The following SH3KBP1 variants were observed in gnomAD, a reference collection of about 807,000 sequenced individuals.
SH3KBP1 encodes the protein SH3 domain containing kinase binding protein 1.
SH3KBP1 carries 8 observed loss-of-function variants against 50.1 expected under a neutral mutation model. The observed-to-expected ratio is 0.16, with a 90% CI of 0.09 to 0.29. The LOEUF (loss-of-function observed/expected upper bound fraction) is 0.29, where lower values mean the gene tolerates loss of function less well. Ranked by LOEUF, SH3KBP1 falls within the 10% of genes least tolerant of loss-of-function variation. The pLI, the probability that SH3KBP1 is intolerant of heterozygous loss-of-function variation, is 1.00. For missense variants in SH3KBP1, 377 were observed against 535.2 expected, an observed-to-expected ratio of 0.70 and a Z score of 2.92; for synonymous variants, 227 against 218.6, an observed-to-expected ratio of 1.04 and a Z score of -0.34.
chrX:19,592,019 T>A (rs1374581336), intron 11 of SH3KBP1, 48 bp downstream of exon 11: 1 of 1,029,826 alleles, frequency 9.7e-7, no homozygotes, highest in Non-Finnish European at 1.4e-6. Flanking sequence ...AACAGACAGC[T>A]TCAGCTCCTG....
intron 11 of SH3KBP1, among the ~76,000 whole-genome samples, chrX:19,589,240 C>T (rs769475899): frequency 8.9e-6 from 1 of 112,494 alleles, no homozygotes; most frequent in Non-Finnish European, 1.9e-5. Context: ...AGGCCGACAG[C>T]CCCTGAGGGC....
At chrX:19,679,942 A>T (rs1673914888) in intron 6 of SH3KBP1, among the ~76,000 whole-genome samples, 1 of 112,471 alleles carries the variant, frequency 8.9e-6, no homozygotes, top group Non-Finnish European at 1.9e-5. Flanking sequence ...CTATTTATCT[A>T]TTCACAGTTG....
intron 5 of SH3KBP1, among the ~76,000 whole-genome samples, chrX:19,687,385 T>C (rs1352742633): frequency 8.9e-6 from 1 of 112,386 alleles, no homozygotes; most frequent in Non-Finnish European, 1.9e-5. Flanking sequence ...ATCACATACA[T>C]GATAGAGGCA....
intron 2 of SH3KBP1, among the ~76,000 whole-genome samples, chrX:19,812,960 G>C (rs1399349195): frequency 9.1e-6 from 1 of 110,363 alleles, no homozygotes; most frequent in Admixed American, 9.7e-5. Flanking sequence ...GGGTGAAAGA[G>C]AGAGACTCTG....
intron 2 of SH3KBP1, among the ~76,000 whole-genome samples, chrX:19,756,674 T>C (rs1418313386): frequency 9.0e-6 from 1 of 111,263 alleles, no homozygotes; most frequent in African/African-American, 3.3e-5. Context: ...ACTACAAATA[T>C]ACACGTGCAA....
At chrX:19,692,675 A>ATG (rs1569422915) in intron 5 of SH3KBP1, among the ~76,000 whole-genome samples, 4 of 84,147 alleles carry the variant, frequency 4.8e-5, no homozygotes, top group East Asian at 8.0e-4. Context: ...GTGTGTATGT[A>ATG]TATATATATA....
intron 3 of SH3KBP1, among the ~76,000 whole-genome samples, chrX:19,721,145 T>G (rs911472017): frequency 2.7e-5 from 3 of 111,510 alleles, no homozygotes; most frequent in Non-Finnish European, 5.7e-5. Context: ...CTGAATTTTC[T>G]TGATGCAAAT....
At chrX:19,555,066 C>G (rs2065448292) in intron 13 of SH3KBP1, among the ~76,000 whole-genome samples, 1 of 112,790 alleles carries the variant, frequency 8.9e-6, no homozygotes, top group South Asian at 3.6e-4. Context: ...TGAAATGAAT[C>G]AAGCTGAAAC....
chrX:19,609,684 G>A (rs889445684), intron 8 of SH3KBP1, among the ~76,000 whole-genome samples: 3 of 111,859 alleles, frequency 2.7e-5, no homozygotes, highest in Non-Finnish European at 5.6e-5. Context: ...GGCCCTGGGA[G>A]AGCCATGGCT....
intron 1 of SH3KBP1, among the ~76,000 whole-genome samples, chrX:19,870,963 A>C (rs1435112915): frequency 3.6e-5 from 4 of 111,610 alleles, no homozygotes; most frequent in African/African-American, 1.3e-4. Flanking sequence ...AATTATTGGG[A>C]AATGTTTTCC....
At chrX:19,741,105 T>C (rs2064754536) in intron 3 of SH3KBP1, among the ~76,000 whole-genome samples, 1 of 112,761 alleles carries the variant, frequency 8.9e-6, no homozygotes, top group Non-Finnish European at 1.9e-5. Flanking sequence ...AGCAACAGTG[T>C]GTCACCAGAG....
intron 6 of SH3KBP1, among the ~76,000 whole-genome samples, chrX:19,675,148 ACT>A (rs959195486): frequency 2.7e-5 from 3 of 111,135 alleles, no homozygotes; most frequent in Admixed American, 1.9e-4. Flanking sequence ...ATTTATAGGT[ACT>A]CTTTCTACTC....
chrX:19,549,260 T>TC (rs1385936895), intron 14 of SH3KBP1, among the ~76,000 whole-genome samples: 11 of 111,490 alleles, frequency 9.9e-5, no homozygotes, highest in Non-Finnish European at 1.9e-4. Context: ...TAATTTTTTT[T>TC]TAAAAAGCTA....
intron 6 of SH3KBP1, chrX:19,670,839 CAAAAAA>C: frequency 2.0e-6 from 2 of 991,829 alleles, no homozygotes; most frequent in South Asian, 2.2e-5. Flanking sequence ...ACTCTAAAAG[CAAAAAA>C]AAAAAAAAAG....
intron 2 of SH3KBP1, among the ~76,000 whole-genome samples, chrX:19,793,620 G>A (rs2066612674): frequency 9.0e-6 from 1 of 110,885 alleles, no homozygotes; most frequent in African/African-American, 3.3e-5. Flanking sequence ...ATCATTCTAG[G>A]GTAGTAGTTG....
intron 2 of SH3KBP1, among the ~76,000 whole-genome samples, chrX:19,808,551 G>A (rs900475882): frequency 2.7e-5 from 3 of 111,128 alleles, no homozygotes; most frequent in South Asian, 3.8e-4. Context: ...CCCAGTTAGA[G>A]CCAAATGGGG....
intron 2 of SH3KBP1, among the ~76,000 whole-genome samples, chrX:19,771,772 G>C (rs759472934): frequency 9.4e-6 from 1 of 106,909 alleles, no homozygotes. Context: ...GCTGAGGCAG[G>C]AGAATTGCTT....
chrX:19,633,629 T>A (rs1334177753), intron 7 of SH3KBP1, among the ~76,000 whole-genome samples: 1 of 111,510 alleles, frequency 9.0e-6, no homozygotes, highest in Non-Finnish European at 1.9e-5. Context: ...CACTACAGAG[T>A]CCTGGCTTTA....
chrX:19,597,245 C>A (rs1348317012), intron 9 of SH3KBP1, among the ~76,000 whole-genome samples: 2 of 111,846 alleles, frequency 1.8e-5, no homozygotes, highest in Non-Finnish European at 1.9e-5. Context: ...CTTGGGTGAC[C>A]AGATGCATTG....
Sources: allele counts gnomAD v4.1 joint callset (sites outside exome capture counted in the v4.1 genomes callset), GRCh38; gene constraint gnomAD v4.1.1; transcripts MANE v1.5; gene names NCBI Gene and HGNC (gene_info 2026-07-23, HGNC 2026-07-21).